SOX5: variants seen among roughly 807,000 people sequenced by gnomAD.
SOX5 encodes the protein transcription factor SOX-5.
In SOX5, 9 loss-of-function variants were observed where a neutral mutation model predicts 92.0. That is an observed-to-expected ratio of 0.10 (90% CI 0.06 to 0.17). The LOEUF is 0.17. SOX5 is among the 10% of genes least tolerant of loss of function. The pLI is 1.00. For synonymous variants in SOX5, 344 were observed against 336.3 expected (o/e 1.02, Z -0.25); for missense variants, 642 against 944.5 (o/e 0.68, Z 4.20).
intron 4 of SOX5, among the ~76,000 whole-genome samples, chr12:24,147,066 T>C (rs1402175196): frequency 6.6e-6 from 1 of 152,140 alleles, no homozygotes; most frequent in Non-Finnish European, 1.5e-5. Context: ...AAGAAAAAAG[T>C]AACAATTTCT....
intron 3 of SOX5, among the ~76,000 whole-genome samples, chr12:23,837,290 T>TA (rs1377273497): frequency 9.7e-5 from 10 of 103,276 alleles, no homozygotes; most frequent in Admixed American, 1.6e-4. Context: ...TATATTTATA[T>TA]TTATATAATA....
chr12:23,732,567 TAACTCTAGAAAGAAGACA>T (rs2093431720), intron 6 of SOX5, among the ~76,000 whole-genome samples: 1 of 152,184 alleles, frequency 6.6e-6, no homozygotes, highest in African/African-American at 2.4e-5. Context: ...TTATCTGCAC[TAACTCTAGAAAGAAGACA>T]AACACACATA....
intron 3 of SOX5, among the ~76,000 whole-genome samples, chr12:23,786,543 C>CA (rs34782173): frequency 4.6e-4 from 59 of 126,926 alleles, no homozygotes; most frequent in Non-Finnish European, 4.3e-4. Flanking sequence ...GACTCCATCT[C>CA]AAAAAAAAAA....
intron 4 of SOX5, among the ~76,000 whole-genome samples, chr12:24,036,308 G>A (rs1287570806): frequency 1.3e-5 from 2 of 152,090 alleles, no homozygotes; most frequent in Non-Finnish European, 2.9e-5. Flanking sequence ...GAAGGGGGTA[G>A]TCCCATGTGT....
chr12:24,084,531 T>C (rs1343852830), intron 4 of SOX5, among the ~76,000 whole-genome samples: 1 of 152,092 alleles, frequency 6.6e-6, no homozygotes, highest in Non-Finnish European at 1.5e-5. Flanking sequence ...GAAATCTTAG[T>C]TTAAAAATAG....
At chr12:24,254,895 T>C (rs775915053) in intron 3 of SOX5, among the ~76,000 whole-genome samples, 2 of 152,052 alleles carry the variant, frequency 1.3e-5, no homozygotes, top group Non-Finnish European at 2.9e-5. Flanking sequence ...TCATTCATAA[T>C]TGCACTGTGT....
At chr12:23,870,817 C>T (rs1023196563) in intron 2 of SOX5, among the ~76,000 whole-genome samples, 13 of 152,026 alleles carry the variant, frequency 8.6e-5, no homozygotes, top group African/African-American at 3.1e-4. Flanking sequence ...ACTGATCGTT[C>T]AAGTTTTTTT....
intron 2 of SOX5, among the ~76,000 whole-genome samples, chr12:23,857,680 C>T (rs576431146): frequency 1.0e-3 from 153 of 151,978 alleles, no homozygotes; most frequent in African/African-American, 3.5e-3. Flanking sequence ...TGGTTAGATA[C>T]TCTATACACA....
intron 4 of SOX5, among the ~76,000 whole-genome samples, chr12:24,024,946 T>C (rs17403340): frequency 0.071 from 10,728 of 152,062 alleles, 547 homozygotes; most frequent in Non-Finnish European, 0.11. Context: ...CAAGATAACC[T>C]ATATGCATAT....
At chr12:23,615,200 ATGT>A (rs2076409686) in intron 8 of SOX5, among the ~76,000 whole-genome samples, 1 of 151,946 alleles carries the variant, frequency 6.6e-6, no homozygotes, top group African/African-American at 2.4e-5. Context: ...TTCTCTAATG[ATGT>A]TGAGCATCTT....
chr12:24,209,511 C>G (rs1958365106), intron 4 of SOX5, among the ~76,000 whole-genome samples: 2 of 151,926 alleles, frequency 1.3e-5, no homozygotes, highest in African/African-American at 2.4e-5. Flanking sequence ...TTCTGATAGG[C>G]AAATCATGAA....
intron 4 of SOX5, among the ~76,000 whole-genome samples, chr12:24,056,488 G>A (rs1258808483): frequency 6.6e-6 from 1 of 152,112 alleles, no homozygotes; most frequent in Non-Finnish European, 1.5e-5. Flanking sequence ...AAAGACAGAT[G>A]GATATCCATG....
chr12:23,592,363 G>A (rs1314805479), intron 9 of SOX5, among the ~76,000 whole-genome samples: 1 of 151,944 alleles, frequency 6.6e-6, no homozygotes, highest in African/African-American at 2.4e-5. Context: ...TAAACTGTTG[G>A]GTTCTGAAAA....
intron 1 of SOX5, among the ~76,000 whole-genome samples, chr12:24,456,661 TG>T (rs1253681281): frequency 6.6e-6 from 1 of 152,298 alleles, no homozygotes. Context: ...GAGCTCTTGA[TG>T]TGTCCATTCA....
At chr12:24,380,070 G>C (rs999912352) in intron 1 of SOX5, among the ~76,000 whole-genome samples, 3 of 152,154 alleles carry the variant, frequency 2.0e-5, no homozygotes, top group Non-Finnish European at 4.4e-5. Context: ...ATGAAAGACA[G>C]GAAGATTGAT....
At chr12:24,385,047 T>A (rs1163558305) in intron 1 of SOX5, among the ~76,000 whole-genome samples, 1 of 152,152 alleles carries the variant, frequency 6.6e-6, no homozygotes, top group Non-Finnish European at 1.5e-5. Flanking sequence ...ACAGACCACA[T>A]TCATATAATT....
chr12:24,264,759 T>C (rs1045747445), intron 3 of SOX5, among the ~76,000 whole-genome samples: 1 of 152,146 alleles, frequency 6.6e-6, no homozygotes, highest in African/African-American at 2.4e-5. Flanking sequence ...AACTGCTTCA[T>C]TAATAAAGGA....
At chr12:24,427,945 A>C (rs1443092476) in intron 1 of SOX5, among the ~76,000 whole-genome samples, 4 of 152,196 alleles carry the variant, frequency 2.6e-5, no homozygotes, top group African/African-American at 9.6e-5. Flanking sequence ...TTGATTTTTC[A>C]GGGCTTTTGT....
At chr12:24,196,128 G>T (rs1454654819) in intron 4 of SOX5, among the ~76,000 whole-genome samples, 1 of 152,154 alleles carries the variant, frequency 6.6e-6, no homozygotes, top group African/African-American at 2.4e-5. Flanking sequence ...CATGTGATCC[G>T]CCTGCATCAG....
Sources: allele counts gnomAD v4.1 joint callset (sites outside exome capture counted in the v4.1 genomes callset), GRCh38; gene constraint gnomAD v4.1.1; transcripts MANE v1.5; gene names NCBI Gene and HGNC (gene_info 2026-07-23, HGNC 2026-07-21).